SLC10A7: variants seen among roughly 807,000 people sequenced by gnomAD.
SLC10A7 encodes the protein solute carrier family 10 member 7, also known as sodium/bile acid cotransporter 7.
SLC10A7 carries 29 observed loss-of-function variants against 43.2 expected under a neutral mutation model. The observed-to-expected ratio is 0.67, with a 90% confidence interval of 0.50 to 0.92. The LOEUF (loss-of-function observed/expected upper bound fraction) is 0.92. SLC10A7 is among the 40% of genes least tolerant of loss of function. The pLI is 0.00. For missense variants in SLC10A7, 295 were observed against 403.2 expected, an observed-to-expected ratio of 0.73 and a Z score of 2.30; for synonymous variants, 152 against 144.8, an observed-to-expected ratio of 1.05 and a Z score of -0.35.
rs1732810400 is a variant in SLC10A7, at chr4:146,322,718, A to G, written c.471+3243T>C. Among the ~76,000 whole-genome samples the G allele has an allele frequency of 2.0e-5, 3 of 152,100 alleles. No homozygotes were observed. In the South Asian group the frequency reaches 6.2e-4, roughly 32 times the overall value. ...TGTCTTTATAGCAGCATGATTTATA[A>G]TCCTTTGGGTATATACCCAGTAATG... On this transcript the variant is annotated intron_variant, in intron 6 of 11. Transcript: ENST00000335472.
intron 5 of SLC10A7, among the ~76,000 whole-genome samples, chr4:146,396,682 C>T (rs1269386025): frequency 6.6e-6 from 1 of 151,844 alleles, no homozygotes; most frequent in Admixed American, 6.6e-5. Flanking sequence ...ATTTTTAAAT[C>T]CATGCTTATT....
At chr4:146,474,606 G>A (rs1021373011) in intron 4 of SLC10A7, among the ~76,000 whole-genome samples, 4 of 152,058 alleles carry the variant, frequency 2.6e-5, no homozygotes, top group African/African-American at 9.7e-5. Flanking sequence ...AACTTATGCA[G>A]CTAGAATAAT....
At chr4:146,467,974 A>G (rs1406169118) in intron 4 of SLC10A7, among the ~76,000 whole-genome samples, 1 of 152,152 alleles carries the variant, frequency 6.6e-6, no homozygotes, top group African/African-American at 2.4e-5. Context: ...GATTAGAGAG[A>G]GGTAGGTGGG....
intron 5 of SLC10A7, among the ~76,000 whole-genome samples, chr4:146,373,050 A>C (rs1736905788): frequency 6.6e-6 from 1 of 152,206 alleles, no homozygotes; most frequent in Non-Finnish European, 1.5e-5. Context: ...TATTTCATTA[A>C]AATCATTTGT....
chr4:146,426,049 T>A (rs1284008313), intron 5 of SLC10A7, among the ~76,000 whole-genome samples: 1 of 152,204 alleles, frequency 6.6e-6, no homozygotes, highest in East Asian at 1.9e-4. Context: ...ATTAGTAAAT[T>A]GGCAATCTGT....
In SLC10A7 at chr4:146,309,798, G is replaced by T. The variant is rs569242047; in HGVS notation, c.472-3789C>A. On this transcript the variant is annotated intron_variant, in intron 6 of 11. Coordinates refer to ENST00000335472, the MANE Select transcript of SLC10A7 (RefSeq NM_001029998.6). ...CGTGCACTTTCATGTGACAGACACT[G>T]CTTTGTTTCATTTTTTAATAATTTC... is the stretch of plus-strand genomic sequence containing the variant. Among the ~76,000 whole-genome samples the T allele has an allele frequency of 3.9e-5, 6 of 152,192 alleles. No individual in the cohort carries two copies. The East Asian group carries it at 5.8e-4, about 15-fold the overall frequency.
intron 5 of SLC10A7, among the ~76,000 whole-genome samples, chr4:146,423,620 A>T (rs1729114020): frequency 1.3e-5 from 2 of 152,240 alleles, no homozygotes; most frequent in African/African-American, 4.8e-5. Flanking sequence ...GAAGAAAAAG[A>T]AACCCAACTA....
chr4:146,294,118 T>C (rs2111190996), intron 7 of SLC10A7, 23 bp from the exon 8 acceptor site: 1 of 1,531,254 alleles, frequency 6.5e-7, no homozygotes, highest in South Asian at 1.3e-5. Flanking sequence ...GATCAACAGG[T>C]TGCCTCTTTT....
chr4:146,462,603 CACACTAAAAAGTAAA>C (rs575752125), intron 4 of SLC10A7, among the ~76,000 whole-genome samples: 3 of 152,278 alleles, frequency 2.0e-5, no homozygotes, highest in Admixed American at 1.3e-4. Flanking sequence ...ATTGTATAGA[CACACTAAAAAGTAAA>C]ACACTAGTCA....
intron 5 of SLC10A7, among the ~76,000 whole-genome samples, chr4:146,336,852 G>C (rs1006380681): frequency 6.6e-6 from 1 of 151,978 alleles, no homozygotes; most frequent in Non-Finnish European, 1.5e-5. Flanking sequence ...GAACACAAAA[G>C]TGGAATAATA....
intron 5 of SLC10A7, among the ~76,000 whole-genome samples, chr4:146,421,205 T>A (rs1441298349): frequency 2.6e-5 from 4 of 152,150 alleles, no homozygotes; most frequent in Non-Finnish European, 5.9e-5. Context: ...TATCCCTAAC[T>A]CAAAACTTGG....
rs541770800 is a variant in SLC10A7 at position 146,341,170 on chromosome 4, ATATAAG to A, written c.436-15180_436-15175del. Among the ~76,000 whole-genome samples, 411 of 152,012 alleles carry A rather than the reference ATATAAG, an allele frequency of 2.7e-3. 1 individual carries two copies. Among genetic ancestry groups the A allele is most frequent in the African/African-American group, 9.2e-3 (383 of 41,538 alleles). On this transcript the variant is annotated intron_variant, in intron 5 of 11. Coordinates refer to ENST00000335472, the MANE Select transcript of SLC10A7 (RefSeq NM_001029998.6). ...ATGAGTAATTAGCATTTTATGATTA[ATATAAG>A]TATAATTGCAGGAACTTTAAAAGTA...
chr4:146,501,282 T>C (rs1326888069), intron 4 of SLC10A7, among the ~76,000 whole-genome samples: 2 of 152,228 alleles, frequency 1.3e-5, no homozygotes, highest in Non-Finnish European at 2.9e-5. Flanking sequence ...TTCGTTAGTA[T>C]GTCCACTTGG....
chr4:146,488,874 T>C (rs1387954751), intron 4 of SLC10A7, among the ~76,000 whole-genome samples: 1 of 152,230 alleles, frequency 6.6e-6, no homozygotes, highest in Non-Finnish European at 1.5e-5. Flanking sequence ...TAATAATACA[T>C]ATTTAAATCA....
At chr4:146,343,358 T>C (rs1734399686) in intron 5 of SLC10A7, among the ~76,000 whole-genome samples, 1 of 152,022 alleles carries the variant, frequency 6.6e-6, no homozygotes, top group Non-Finnish European at 1.5e-5. Context: ...ACCCAGAATA[T>C]AGAAAGCACA....
At chr4:146,280,779 G>A (rs1729500219) in intron 10 of SLC10A7, among the ~76,000 whole-genome samples, 1 of 152,086 alleles carries the variant, frequency 6.6e-6, no homozygotes, top group Admixed American at 6.6e-5. Context: ...CAGCAAAGAG[G>A]GCATTTTCAT....
chr4:146,402,019 T>C (rs777886775), intron 5 of SLC10A7, among the ~76,000 whole-genome samples: 1 of 152,154 alleles, frequency 6.6e-6, no homozygotes, highest in Non-Finnish European at 1.5e-5. Context: ...AGACACTCAA[T>C]TATTATCTTC....
chr4:146,334,494 A>G (rs949631558), intron 5 of SLC10A7, among the ~76,000 whole-genome samples: 2 of 151,956 alleles, frequency 1.3e-5, no homozygotes, highest in African/African-American at 4.8e-5. Flanking sequence ...GAGAAACAAC[A>G]GCAGCAATGT....
chr4:146,442,030 A>G (rs1024072429), intron 5 of SLC10A7: 101 of 978,118 alleles, frequency 1.0e-4, no homozygotes, highest in Non-Finnish European at 1.2e-4. Context: ...TTATGCCCCA[A>G]AAAATACAAT....
Sources: allele counts gnomAD v4.1 joint callset (sites outside exome capture counted in the v4.1 genomes callset), GRCh38; gene constraint gnomAD v4.1.1; transcripts MANE v1.5; gene names NCBI Gene and HGNC (gene_info 2026-07-23, HGNC 2026-07-21).